Variants in PSMD5 observed in about 807,000 individuals in gnomAD.
The protein encoded by PSMD5 is 26S proteasome non-ATPase regulatory subunit 5.
Under a neutral mutation model 52.1 loss-of-function variants are expected in PSMD5, and 40 were observed. The observed-to-expected ratio is 0.77, with a 90% CI of 0.60 to 1.00. The LOEUF (loss-of-function observed/expected upper bound fraction) is 1.00, where lower values mean the gene tolerates loss of function less well. Ranked by LOEUF, PSMD5 falls within the 50% of genes least tolerant of loss-of-function variation. PSMD5 has a pLI of 0.00. For missense variants in PSMD5, 575 were observed against 605.2 expected (o/e 0.95, Z 0.52); for synonymous variants, 211 against 226.6 (o/e 0.93, Z 0.62).
At chr9:120,827,821 T>C (rs2045132930) in intron 5 of PSMD5, among the ~76,000 whole-genome samples, 1 of 152,238 alleles carries the variant, frequency 6.6e-6, no homozygotes, top group Non-Finnish European at 1.5e-5. Flanking sequence ...GCAAATCAAC[T>C]GTTCAACAGT....
At chr9:120,823,106 A>C (rs947713179) in intron 7 of PSMD5, among the ~76,000 whole-genome samples, 1 of 152,032 alleles carries the variant, frequency 6.6e-6, no homozygotes, top group Non-Finnish European at 1.5e-5. Flanking sequence ...AATTTTCAAC[A>C]TATGTGTCTC....
chr9:120,833,468 A>G lies in PSMD5; in HGVS notation c.174-12T>C. 6.2e-7 allele frequency: 1 copy of G among 1,610,450 alleles called. No homozygotes were observed. Among genetic ancestry groups the G allele is most frequent in the Non-Finnish European group, 8.5e-7 (1 of 1,177,402 alleles). ...AAGTAGTCTTTTCCCTGAAGGAGACATCATAAATCTTATTAGTTCATATCC... is the reference window on the plus strand; with the variant it reads ...AAGTAGTCTTTTCCCTGAAGGAGACGTCATAAATCTTATTAGTTCATATCC... On this transcript the variant is annotated splice_polypyrimidine_tract_variant and intron_variant, in intron 1 of 9. Transcript: ENST00000210313.
intron 1 of PSMD5, among the ~76,000 whole-genome samples, chr9:120,834,203 ATCT>A (rs2045183271): frequency 6.6e-6 from 1 of 151,162 alleles, no homozygotes; most frequent in African/African-American, 2.4e-5. Context: ...GATGATCTCG[ATCT>A]CCTGACCTTG....
In PSMD5 at chr9:120,831,316, T is replaced by C. The variant is rs765895032; in HGVS notation, c.561+15A>G. 6.4e-7 allele frequency: 1 copy of C among 1,567,496 alleles called. No individual in the cohort carries two copies. Among genetic ancestry groups the C allele is most frequent in the Non-Finnish European group, 8.6e-7 (1 of 1,160,422 alleles). On this transcript the variant is annotated intron_variant, in intron 4 of 9. Transcript: ENST00000210313. ...TCTGCTTTGTAAGCATGAGAAAGTG[T>C]GCTTTTTATCTTACCTCATACACCC...
intron 6 of PSMD5, among the ~76,000 whole-genome samples, chr9:120,825,349 A>T (rs571778221): frequency 6.7e-4 from 101 of 151,818 alleles, no homozygotes; most frequent in African/African-American, 1.7e-3. Flanking sequence ...GTATCTTTTT[A>T]AAAAAATTAA....
intron 4 of PSMD5, among the ~76,000 whole-genome samples, chr9:120,830,863 C>T (rs1250022517): frequency 2.0e-5 from 3 of 148,942 alleles, no homozygotes; most frequent in Non-Finnish European, 4.4e-5. Flanking sequence ...TCTTCTCTAT[C>T]ATAGTAATTA....
At position 120,817,961 on chromosome 9, in the gene PSMD5, T is replaced by G; in HGVS notation, c.1460A>C (p.Glu487Ala). 1 of 1,614,230 alleles carries G rather than the reference T, an allele frequency of 6.2e-7. No individual in the cohort carries two copies. Among genetic ancestry groups the G allele is most frequent in the Non-Finnish European group, 8.5e-7 (1 of 1,180,032 alleles). ...AACAGGTTTCACATAGTATGGCCCT[T>G]CACTCAGGTAAGTTCTGAGCCTCAA... Reference protein sequence around the residue: ...NYLRLRTYLSEGPYYVKPVST... With the variant: ...NYLRLRTYLSAGPYYVKPVST... The change falls in exon 10 of 10, where the codon GAA becomes GCA. Residue 487 changes from glutamate to alanine, a missense_variant. Physicochemically the swap from Glu to Ala is moderately radical, Grantham distance 107. Coordinates refer to ENST00000210313, the MANE Select transcript of PSMD5 (RefSeq NM_005047.4).
In PSMD5 at chr9:120,824,714, A is replaced by T. The variant is rs780959709; in HGVS notation, c.815-29T>A. 2.0e-5 allele frequency: 31 copies of T among 1,550,090 alleles called. No individual in the cohort carries two copies. The South Asian group carries it at 3.0e-4, about 15-fold the overall frequency. ...AAGAGATTTACAAAAATATATTTTA[A>T]TAGGGGAACAAGACAGCATGAATTG... On this transcript the variant is annotated intron_variant, in intron 6 of 9. Coordinates refer to ENST00000210313, the MANE Select transcript of PSMD5 (RefSeq NM_005047.4).
chr9:120,829,705 C>A (rs2045146973), intron 4 of PSMD5, among the ~76,000 whole-genome samples: 1 of 152,158 alleles, frequency 6.6e-6, no homozygotes, highest in South Asian at 2.1e-4. Flanking sequence ...CACCTTGGCA[C>A]AGAAATGTTC....
At chr9:120,837,693 G>A (rs1486462054) in intron 1 of PSMD5, among the ~76,000 whole-genome samples, 1 of 152,200 alleles carries the variant, frequency 6.6e-6, no homozygotes, top group Admixed American at 6.5e-5. Flanking sequence ...CAGTTTGCCA[G>A]TTGCTTAAAA....
rs1476340202 is a variant in PSMD5 at position 120,817,272 on chromosome 9, T to C, written c.*634A>G. 6.6e-6 allele frequency: 1 copy of C among 152,048 alleles called. No homozygotes were observed. Among genetic ancestry groups the C allele is most frequent in the Non-Finnish European group, 1.5e-5 (1 of 68,026 alleles). The allele number at this position is 152,048 out of a possible 1,614,324, so 9.4% of individuals were successfully genotyped here. A position where few individuals can be genotyped will look rare whatever the true frequency, so the allele number is the denominator to read the frequency against. On this transcript the variant is annotated 3_prime_UTR_variant, in exon 10 of 10. Coordinates refer to ENST00000210313, the MANE Select transcript of PSMD5 (RefSeq NM_005047.4). ...AAATAATTTGGTGGCAGGTTTTTATTTTATTCATTTATTTTTGAGACAGAG... is the reference window on the plus strand; with the variant it reads ...AAATAATTTGGTGGCAGGTTTTTATCTTATTCATTTATTTTTGAGACAGAG...
At chr9:120,819,715 T>C (rs1172679754) in intron 9 of PSMD5, among the ~76,000 whole-genome samples, 2 of 152,014 alleles carry the variant, frequency 1.3e-5, no homozygotes, top group Non-Finnish European at 1.5e-5. Flanking sequence ...TGGGCGCCCG[T>C]AGGCTAGCTG....
At chr9:120,826,991 T>C in intron 5 of PSMD5, 84 bp from the exon 6 acceptor site, 2 of 1,328,058 alleles carry the variant, frequency 1.5e-6, no homozygotes, top group Non-Finnish European at 2.0e-6. Context: ...GGTTATCTTA[T>C]TTAATTCTTC....
rs147327368 is a variant in PSMD5, at chr9:120,827,702, C to T, written c.672-795G>A. 3.5e-3 allele frequency among the ~76,000 whole-genome samples: 525 copies of T among 152,166 alleles called. 5 individuals carry two copies. Among genetic ancestry groups the T allele is most frequent in the African/African-American group, 0.012 (501 of 41,504 alleles). ...ACTCATATGGGTTTAATAAATTCAG[C>T]CATGTTTAAAGAACACAGGACAATC... On this transcript the variant is annotated intron_variant, in intron 5 of 9. Coordinates refer to ENST00000210313, the MANE Select transcript of PSMD5 (RefSeq NM_005047.4).
At chr9:120,818,488 C>T (rs2045060921) in intron 9 of PSMD5, among the ~76,000 whole-genome samples, 1 of 151,696 alleles carries the variant, frequency 6.6e-6, no homozygotes. Flanking sequence ...ACAGGTAAAC[C>T]TGTTATATAA....
intron 4 of PSMD5, among the ~76,000 whole-genome samples, chr9:120,829,716 C>A (rs1564476424): frequency 6.6e-6 from 1 of 152,168 alleles, no homozygotes; most frequent in Non-Finnish European, 1.5e-5. Flanking sequence ...AGAAATGTTC[C>A]ATTATATCTA....
rs754798501 is a variant in PSMD5 at position 120,826,821 on chromosome 9, A to G, written c.758T>C (p.Ile253Thr). 6.2e-7 allele frequency: 1 copy of G among 1,613,656 alleles called. No individual in the cohort carries two copies. The highest frequency in any genetic ancestry group is 8.5e-7 in the Non-Finnish European group (1 of 1,179,584). The change falls in exon 6 of 10, where the codon ATT (isoleucine) becomes ACT (threonine). Residue 253 changes from isoleucine to threonine, a missense_variant. Ile to Thr is a moderately conservative substitution (Grantham distance 89). Transcript: ENST00000210313. ...YLAQEGVIDQ[I>T]SNIIVGADSD... Reference sequence around the variant, plus strand: ...ATCTGCCCCAACAATTATATTAGAAATTTGGTCAATTACTCCTTCTTGAGC... The same window carrying G: ...ATCTGCCCCAACAATTATATTAGAAGTTTGGTCAATTACTCCTTCTTGAGC...
intron 1 of PSMD5, among the ~76,000 whole-genome samples, chr9:120,833,718 G>A (rs1215882923): frequency 4.9e-5 from 6 of 123,654 alleles, no homozygotes; most frequent in South Asian, 2.4e-4. Flanking sequence ...TTGCTCTGTC[G>A]CCCAGGCTGG....
Position 120,842,517 on chromosome 9 carries a change from G to C in PSMD5, c.173+220C>G, listed in dbSNP as rs565734995. The stretch of plus-strand genomic sequence containing the variant: ...CAGTGCCTCACTGCTCAGAGGCAGC[G>C]AGGCCAGGCGACGGGAGAAAACACC... On this transcript the variant is annotated intron_variant, in intron 1 of 9. Coordinates refer to ENST00000210313, the MANE Select transcript of PSMD5 (RefSeq NM_005047.4). The C allele has an allele frequency of 5.1e-6, 3 of 589,880 alleles. No homozygotes were observed. In the East Asian group the frequency reaches 8.8e-5, roughly 17 times the overall value. 36.5% of individuals were successfully genotyped at this position (589,880 alleles called of 1,614,324 possible).
Sources: gnomAD v4.1 joint callset for allele counts (sites outside exome capture counted in the v4.1 genomes callset) on GRCh38, gnomAD v4.1.1 for gene constraint, MANE v1.5 for transcripts, NCBI Gene and HGNC (gene_info 2026-07-23, HGNC 2026-07-21) for gene names.